Variants in KIF15 observed in about 807,000 individuals in gnomAD.
KIF15 encodes the protein kinesin family member 15.
KIF15 carries 140 observed loss-of-function variants against 190.6 expected under a neutral mutation model. The ratio of observed to expected loss-of-function variants is 0.73; its 90% CI spans 0.64 to 0.84. The LOEUF (loss-of-function observed/expected upper bound fraction) is 0.84. Among genes scored for constraint, KIF15 ranks in the 40% least tolerant of loss-of-function variants. KIF15 has a pLI of 0.00. For synonymous variants in KIF15, 528 were observed against 551.3 expected, an observed-to-expected ratio of 0.96 and a Z score of 0.59; for missense variants, 1,372 against 1,584.4, an observed-to-expected ratio of 0.87 and a Z score of 2.28.
At chr3:44,815,737 CT>C (rs1224013603) in intron 20 of KIF15, among the ~76,000 whole-genome samples, 1 of 152,144 alleles carries the variant, frequency 6.6e-6, no homozygotes, top group Non-Finnish European at 1.5e-5. Flanking sequence ...TTTACTGTTT[CT>C]TTTTTTCTTC....
At chr3:44,838,230 T>A in intron 26 of KIF15, 45 bp from the exon 27 acceptor site, 3 of 1,547,946 alleles carry the variant, frequency 1.9e-6, no homozygotes, top group Non-Finnish European at 2.6e-6. Flanking sequence ...GGAATCCTTA[T>A]TGGAATACCA....
At chr3:44,799,893 A>C (rs912172260) in intron 10 of KIF15, among the ~76,000 whole-genome samples, 5 of 152,108 alleles carry the variant, frequency 3.3e-5, no homozygotes, top group African/African-American at 7.2e-5. Flanking sequence ...GTCATCATGC[A>C]CTTAGAGGCT....
At chr3:44,770,971 C>G (rs1045326170) in intron 1 of KIF15, among the ~76,000 whole-genome samples, 4 of 152,178 alleles carry the variant, frequency 2.6e-5, no homozygotes, top group Admixed American at 2.6e-4. Context: ...GCTTGATATT[C>G]ATGAACATTT....
intron 7 of KIF15, among the ~76,000 whole-genome samples, chr3:44,791,559 C>G (rs915239838): frequency 1.3e-5 from 2 of 152,126 alleles, no homozygotes; most frequent in African/African-American, 4.8e-5. Context: ...GAACTGGCAT[C>G]TTAACAATAT....
downstream of KIF15, among the ~76,000 whole-genome samples, chr3:44,854,686 A>G (rs2125735373): frequency 6.6e-6 from 1 of 152,038 alleles, no homozygotes; most frequent in East Asian, 1.9e-4. Context: ...ACAGAAATCT[A>G]TTTTCTGACA....
At chr3:44,768,004 G>C (rs1034486833) in intron 1 of KIF15, among the ~76,000 whole-genome samples, 5 of 151,630 alleles carry the variant, frequency 3.3e-5, no homozygotes, top group Non-Finnish European at 5.9e-5. Context: ...GGCCAGGCAT[G>C]GTGGCTCACT....
chr3:44,851,650 C>A, intron 32 of KIF15, 137 bp from the exon 33 acceptor site: 1 of 607,972 alleles, frequency 1.6e-6, no homozygotes, highest in Non-Finnish European at 2.8e-6. Flanking sequence ...CTTCTTTTGC[C>A]ATCAGCAGAG....
chr3:44,785,992 A>C (rs147672754), intron 6 of KIF15, among the ~76,000 whole-genome samples: 1,647 of 152,304 alleles, frequency 0.011, 23 homozygotes, highest in African/African-American at 0.036. Context: ...AGGCCGAGGC[A>C]AATCACGAGG....
At chr3:44,773,282 G>A (rs937222466) in intron 1 of KIF15, among the ~76,000 whole-genome samples, 1 of 152,222 alleles carries the variant, frequency 6.6e-6, no homozygotes, top group Non-Finnish European at 1.5e-5. Flanking sequence ...GCAGCAGGGA[G>A]AGAAATCTTT....
At chr3:44,774,193 A>C (rs1705762144) in intron 1 of KIF15, among the ~76,000 whole-genome samples, 1 of 152,134 alleles carries the variant, frequency 6.6e-6, no homozygotes, top group Non-Finnish European at 1.5e-5. Flanking sequence ...TGTCTCTATC[A>C]CCATGAGACT....
At chr3:44,818,585 G>A (rs1708129064) in intron 20 of KIF15, among the ~76,000 whole-genome samples, 1 of 152,214 alleles carries the variant, frequency 6.6e-6, no homozygotes, top group South Asian at 2.1e-4. Context: ...GCATGCCATA[G>A]ATACAGCCGA....
intron 8 of KIF15, among the ~76,000 whole-genome samples, chr3:44,794,686 G>C (rs1239171360): frequency 1.3e-5 from 2 of 152,120 alleles, no homozygotes; most frequent in Non-Finnish European, 2.9e-5. Context: ...TGTTAGCCGG[G>C]CGCGGTGGCT....
At chr3:44,799,290 TG>T (rs1304276804) in intron 10 of KIF15, 2 of 456,612 alleles carry the variant, frequency 4.4e-6, no homozygotes, top group African/African-American at 4.0e-5. Flanking sequence ...TCACTCTCAA[TG>T]GTAAGCCCTT....
intron 1 of KIF15, among the ~76,000 whole-genome samples, chr3:44,769,278 T>C (rs1705544322): frequency 6.6e-6 from 1 of 152,178 alleles, no homozygotes; most frequent in Non-Finnish European, 1.5e-5. Flanking sequence ...AGACTGAAGA[T>C]GAATGGCAAT....
At chr3:44,831,331 T>G (rs576609792) in intron 26 of KIF15, among the ~76,000 whole-genome samples, 1 of 152,208 alleles carries the variant, frequency 6.6e-6, no homozygotes, top group Admixed American at 6.5e-5. Flanking sequence ...ATACTACTAA[T>G]GTATTATTGT....
chr3:44,837,879 TCTTCACAGCTGTTTA>T (rs1337362964), intron 26 of KIF15, among the ~76,000 whole-genome samples: 1 of 152,146 alleles, frequency 6.6e-6, no homozygotes, highest in Non-Finnish European at 1.5e-5. Context: ...TGGAGGCTCA[TCTTCACAGCTGTTTA>T]CTTTCCAGTA....
Position 44,841,202 on chromosome 3 carries a change from C to T in KIF15, c.3549C>T (p.Asp1183=), listed in dbSNP as rs1175549882. 1 of 1,606,772 alleles carries T rather than the reference C, an allele frequency of 6.2e-7. No individual in the cohort carries two copies. Among genetic ancestry groups the T allele is most frequent in the East Asian group, 2.2e-5 (1 of 44,828 alleles). ...ACCTTGTAACAAAGCTAAATGAAGACAGAGAAGTCAAAAATGCTGAAATCC... is the reference window on the plus strand; with the variant it reads ...ACCTTGTAACAAAGCTAAATGAAGATAGAGAAGTCAAAAATGCTGAAATCC... ...LEHLVTKLNE[D]REVKNAEILR... The change falls in exon 29 of 35, where the codon GAC becomes GAT. Residue 1183 remains aspartate, a synonymous_variant. Coordinates refer to ENST00000326047, the MANE Select transcript of KIF15 (RefSeq NM_020242.3).
intron 20 of KIF15, among the ~76,000 whole-genome samples, chr3:44,816,291 G>A (rs551565387): frequency 2.0e-5 from 3 of 151,940 alleles, no homozygotes; most frequent in African/African-American, 7.3e-5. Flanking sequence ...TGTGCACAAC[G>A]TGCAGGTTTG....
chr3:44,840,660 T>C (rs1337501421), intron 28 of KIF15, among the ~76,000 whole-genome samples: 1 of 124,522 alleles, frequency 8.0e-6, no homozygotes, highest in Non-Finnish European at 1.7e-5. Flanking sequence ...AGCGGATTTT[T>C]TTTTTTTTTT....
Sources: gnomAD v4.1 joint callset for allele counts (sites outside exome capture counted in the v4.1 genomes callset) on GRCh38, gnomAD v4.1.1 for gene constraint, MANE v1.5 for transcripts, NCBI Gene and HGNC (gene_info 2026-07-23, HGNC 2026-07-21) for gene names.